The following CLCA4 variants were observed in gnomAD, a reference collection of about 807,000 sequenced individuals.
The protein encoded by CLCA4 is chloride channel accessory 4.
In CLCA4, 69 loss-of-function variants were observed where a neutral mutation model predicts 78.9. The observed-to-expected ratio is 0.87, with a 90% CI of 0.72 to 1.07. The LOEUF is 1.07. Among genes scored for constraint, CLCA4 ranks in the 50% least tolerant of loss-of-function variants. The probability of loss-of-function intolerance (pLI) is 0.00; values close to 1 mark genes in which losing one functional copy is unlikely to be tolerated. For synonymous variants in CLCA4, 362 were observed against 375.8 expected, an observed-to-expected ratio of 0.96 and a Z score of 0.42; for missense variants, 1,133 against 1,095.8, an observed-to-expected ratio of 1.03 and a Z score of -0.48.
intron 11 of CLCA4, 54 bp from the exon 12 acceptor site, chr1:86,577,848 A>G: frequency 6.5e-7 from 1 of 1,537,016 alleles, no homozygotes; most frequent in Non-Finnish European, 8.8e-7. Context: ...TGCTTGTCTT[A>G]GAAAATGCAA....
chr1:86,572,414 T>C (rs1650375187), intron 8 of CLCA4, among the ~76,000 whole-genome samples, 200 bp from the exon 9 acceptor site: 1 of 152,060 alleles, frequency 6.6e-6, no homozygotes, highest in Non-Finnish European at 1.5e-5. Flanking sequence ...GATAATGAGG[T>C]ATTATGGTAG....
intron 11 of CLCA4, among the ~76,000 whole-genome samples, chr1:86,576,339 T>G (rs1650521094): frequency 6.6e-6 from 1 of 151,814 alleles, no homozygotes; most frequent in Admixed American, 6.6e-5. Flanking sequence ...ATCTTTAAAT[T>G]TTTTTTGTAG....
intron 9 of CLCA4, 41 bp downstream of exon 9, chr1:86,572,761 C>A: frequency 8.3e-7 from 1 of 1,207,878 alleles, no homozygotes; most frequent in Non-Finnish European, 1.2e-6. Flanking sequence ...TTCACTTTTG[C>A]CACAAGAAAA....
intron 1 of CLCA4, among the ~76,000 whole-genome samples, chr1:86,554,884 TA>T (rs1407173130): frequency 6.6e-6 from 1 of 151,992 alleles, no homozygotes; most frequent in African/African-American, 2.4e-5. Context: ...TACTTTTTAA[TA>T]ATAGCCATTC....
Position 86,565,325 on chromosome 1 carries a change from C to T in CLCA4, c.609C>T (p.Gly203=), listed in dbSNP as rs1253440816. 2 of 1,609,336 alleles carry T rather than the reference C, an allele frequency of 1.2e-6. No homozygotes were observed. Among genetic ancestry groups the T allele is most frequent in the Non-Finnish European group, 1.7e-6 (2 of 1,177,456 alleles). The change falls in exon 5 of 14, where the codon GGC becomes GGT. Residue 203 remains glycine (G), a synonymous_variant. Transcript: ENST00000370563. Reference sequence around the variant, plus strand: ...ATAGAGTTTATAAGTGTCAAGGAGGCAGCTGTCTTAGTAGAGCATGCAGAA... The same window carrying T: ...ATAGAGTTTATAAGTGTCAAGGAGGTAGCTGTCTTAGTAGAGCATGCAGAA... ...GRNRVYKCQG[G]SCLSRACRID... is the part of the protein sequence containing the mutation.
At chr1:86,556,266 T>C (rs1405754171) in intron 1 of CLCA4, among the ~76,000 whole-genome samples, 1 of 152,224 alleles carries the variant, frequency 6.6e-6, no homozygotes. Flanking sequence ...AGAGACAGCA[T>C]CCTTGTCTTG....
rs1024762332 is a variant in CLCA4 at position 86,565,190 on chromosome 1, G to T, written c.558-84G>T. On this transcript the variant is annotated intron_variant, in intron 4 of 13. Coordinates refer to ENST00000370563, the MANE Select transcript of CLCA4 (RefSeq NM_012128.4). ...AGAAGAATAAACATCTTGATATAAAGTTCATCATGAATAGAACCACTTAAG... is the reference window on the plus strand; with the variant it reads ...AGAAGAATAAACATCTTGATATAAATTTCATCATGAATAGAACCACTTAAG... 1.8e-4 allele frequency: 160 copies of T among 899,996 alleles called. 2 individuals carry two copies. The highest frequency in any genetic ancestry group is 6.0e-4 in the Admixed American group (23 of 38,120). The allele number at this position is 899,996 out of a possible 1,614,324, so 55.8% of individuals were successfully genotyped here. A position where few individuals can be genotyped will look rare whatever the true frequency, so the allele number is the denominator to read the frequency against.
chr1:86,571,132 A>T lies in CLCA4; in HGVS notation c.1238A>T (p.Asp413Val). The T allele has an allele frequency of 1.9e-6, 3 of 1,612,772 alleles. No individual in the cohort carries two copies. The highest frequency in any genetic ancestry group is 1.7e-6 in the Non-Finnish European group (2 of 1,179,020). ...GGATCCGAAGTACTGCTGCTGACTG[A>T]TGGGGAGGATAACACTGCAAGTTCT... ...LDGSEVLLLT[D>V]GEDNTASSCI... is the part of the protein sequence containing the mutation. The change falls in exon 8 of 14, where the codon GAT becomes GTT. Residue 413 changes from aspartate to valine, a missense_variant. Physicochemically the swap from Asp to Val is radical, Grantham distance 152. Coordinates refer to ENST00000370563, the MANE Select transcript of CLCA4 (RefSeq NM_012128.4).
rs1373063849 is a variant in CLCA4 at position 86,559,907 on chromosome 1, C to T, written c.160-25C>T. On this transcript the variant is annotated intron_variant, in intron 1 of 13. Coordinates refer to ENST00000370563, the MANE Select transcript of CLCA4 (RefSeq NM_012128.4). ...TAGTTCACTCTAACTTCACCATCCT[C>T]ACATATTTTTTCCTTTAATGACAGG... 6 of 1,568,548 alleles carry T rather than the reference C, an allele frequency of 3.8e-6. No homozygotes were observed. In the East Asian group the frequency reaches 1.4e-4, roughly 35 times the overall value.
chr1:86,571,041 A>T (rs1650334901), intron 7 of CLCA4, 36 bp from the exon 8 acceptor site: 2 of 1,506,292 alleles, frequency 1.3e-6, no homozygotes, highest in African/African-American at 1.4e-5. Flanking sequence ...ATCTAGGAAC[A>T]TCTGTTGGTA....
At chr1:86,566,734 G>C (rs1256765857) in intron 6 of CLCA4, among the ~76,000 whole-genome samples, 1 of 151,942 alleles carries the variant, frequency 6.6e-6, no homozygotes, top group Non-Finnish European at 1.5e-5. Context: ...TAAATTGGCG[G>C]GGAGTAACAC....
chr1:86,579,644 CAG>C (rs1650645594), intron 13 of CLCA4, 57 bp downstream of exon 13: 1 of 1,244,588 alleles, frequency 8.0e-7, no homozygotes, highest in Non-Finnish European at 1.2e-6. Flanking sequence ...ATTGCAAAAA[CAG>C]GGGTGTAAGG....
chr1:86,565,372 A>T lies in CLCA4; in HGVS notation c.656A>T (p.Tyr219Phe). 1 of 1,608,926 alleles carries T rather than the reference A, an allele frequency of 6.2e-7. No homozygotes were observed. Among genetic ancestry groups the T allele is most frequent in the Non-Finnish European group, 8.5e-7 (1 of 1,176,040 alleles). ...ACRIDSTTKL[Y>F]GKDCQFFPDK... ...AGAATTGATTCTACAACAAAACTGT[A>T]TGGAAAAGATTGTCAATTCTTTCCT... The change falls in exon 5 of 14, where the codon TAT becomes TTT. Residue 219 changes from tyrosine (Y) to phenylalanine (F), a missense_variant. Transcript: ENST00000370563.
chr1:86,548,565 C>T (rs1356667533), intron 1 of CLCA4, among the ~76,000 whole-genome samples: 1 of 151,516 alleles, frequency 6.6e-6, no homozygotes, highest in African/African-American at 2.4e-5. Flanking sequence ...GCCTGTAATC[C>T]CAGCTACTCA....
chr1:86,572,513 T>C (rs1650381986), intron 8 of CLCA4, 101 bp from the exon 9 acceptor site: 16 of 698,948 alleles, frequency 2.3e-5, no homozygotes, highest in Middle Eastern at 4.0e-4. Context: ...TAATAACACA[T>C]ACTGAAACTA....
chr1:86,557,923 C>T (rs760603325), intron 1 of CLCA4, among the ~76,000 whole-genome samples: 5 of 150,410 alleles, frequency 3.3e-5, no homozygotes, highest in African/African-American at 1.2e-4. Flanking sequence ...AAAATGAAGC[C>T]TTTACCATTA....
At chr1:86,567,932 T>C (rs953291835) in intron 7 of CLCA4, among the ~76,000 whole-genome samples, 7 of 152,054 alleles carry the variant, frequency 4.6e-5, no homozygotes, top group African/African-American at 1.7e-4. Context: ...TAGTCAGTGC[T>C]CGATAAATGT....
chr1:86,573,898 G>A (rs1335511867), intron 9 of CLCA4, among the ~76,000 whole-genome samples: 1 of 151,980 alleles, frequency 6.6e-6, no homozygotes, highest in Non-Finnish European at 1.5e-5. Flanking sequence ...ACAATGTATT[G>A]TATATTTGAA....
chr1:86,577,805 C>A, intron 11 of CLCA4, 97 bp from the exon 12 acceptor site: 3 of 862,978 alleles, frequency 3.5e-6, no homozygotes, highest in Admixed American at 2.8e-5. Context: ...AAATATTAAG[C>A]CTAATCTAGA....
Sources: allele counts gnomAD v4.1 joint callset (sites outside exome capture counted in the v4.1 genomes callset), GRCh38; gene constraint gnomAD v4.1.1; transcripts MANE v1.5; gene names NCBI Gene and HGNC (gene_info 2026-07-23, HGNC 2026-07-21).